The following AFF2 variants were observed in gnomAD, a reference collection of about 807,000 sequenced individuals.
AFF2 encodes ALF transcription elongation factor 2.
A neutral mutation model predicts 76.9 loss-of-function variants in AFF2; 14 were observed. The ratio of observed to expected loss-of-function variants is 0.18; its 90% CI spans 0.12 to 0.28. AFF2 has a LOEUF of 0.28. Ranked by LOEUF, AFF2 falls within the 10% of genes least tolerant of loss-of-function variation. AFF2 has a pLI of 1.00. For missense variants in AFF2, 868 were observed against 1,001.1 expected (o/e 0.87, Z 1.79); for synonymous variants, 398 against 366.7 (o/e 1.09, Z -0.98).
intron 2 of AFF2, among the ~76,000 whole-genome samples, chrX:148,658,740 G>A (rs2054277289): frequency 8.9e-6 from 1 of 112,202 alleles, no homozygotes. Flanking sequence ...TAACCTACGA[G>A]CTTTTCCTTT....
chrX:148,961,224 A>G (rs1188470922), intron 12 of AFF2, among the ~76,000 whole-genome samples: 1 of 111,848 alleles, frequency 8.9e-6, no homozygotes, highest in African/African-American at 3.3e-5. Flanking sequence ...ATGAACCACC[A>G]TTCACCTCCT....
intron 3 of AFF2, among the ~76,000 whole-genome samples, chrX:148,693,734 G>C (rs1557260991): frequency 1.8e-5 from 2 of 111,804 alleles, no homozygotes; most frequent in African/African-American, 6.5e-5. Flanking sequence ...ATCAGATCTT[G>C]TCCGCCCAAG....
chrX:148,962,504 T>C (rs1357531016), intron 12 of AFF2, among the ~76,000 whole-genome samples: 1 of 112,242 alleles, frequency 8.9e-6, no homozygotes, highest in African/African-American at 3.2e-5. Flanking sequence ...GATACATATG[T>C]ATGCATATAT....
chrX:148,703,673 T>C (rs1469512373), intron 3 of AFF2, among the ~76,000 whole-genome samples: 3 of 111,620 alleles, frequency 2.7e-5, no homozygotes, highest in South Asian at 3.7e-4. Flanking sequence ...TACAGCTCAC[T>C]GTATGGTTCA....
At chrX:148,851,716 G>A (rs901802905) in intron 7 of AFF2, among the ~76,000 whole-genome samples, 2 of 111,570 alleles carry the variant, frequency 1.8e-5, no homozygotes, top group African/African-American at 6.5e-5. Context: ...TTTCAATTTT[G>A]TAACTACATA....
chrX:148,922,874 C>A (rs1274545968), intron 9 of AFF2, among the ~76,000 whole-genome samples: 1 of 111,753 alleles, frequency 8.9e-6, no homozygotes, highest in Non-Finnish European at 1.9e-5. Flanking sequence ...ACTCCCATTC[C>A]TCTCCCTCCG....
intron 8 of AFF2, among the ~76,000 whole-genome samples, chrX:148,886,375 T>C (rs190158110): frequency 5.8e-4 from 65 of 111,496 alleles, no homozygotes; most frequent in African/African-American, 1.6e-3. Context: ...TTAATTTAGA[T>C]ATAAATGTGA....
chrX:148,562,634 CA>C (rs1230317176), intron 1 of AFF2, among the ~76,000 whole-genome samples: 3 of 112,263 alleles, frequency 2.7e-5, no homozygotes, highest in African/African-American at 9.7e-5. Flanking sequence ...TTAACTATTC[CA>C]AACAAAACCC....
At chrX:148,640,055 T>G (rs2054071828) in intron 1 of AFF2, among the ~76,000 whole-genome samples, 1 of 112,611 alleles carries the variant, frequency 8.9e-6, no homozygotes, top group Admixed American at 9.4e-5. Context: ...TCACTGTTCT[T>G]CAGAGAGCAA....
At chrX:148,791,776 G>A (rs931826693) in intron 3 of AFF2, among the ~76,000 whole-genome samples, 5 of 111,207 alleles carry the variant, frequency 4.5e-5, no homozygotes, top group Non-Finnish European at 7.5e-5. Flanking sequence ...GGCCATAGTG[G>A]TTATGAATGC....
intron 7 of AFF2, among the ~76,000 whole-genome samples, chrX:148,870,141 A>G (rs1478982274): frequency 9.0e-6 from 1 of 110,975 alleles, no homozygotes; most frequent in Non-Finnish European, 1.9e-5. Context: ...GTCCCATCCT[A>G]CGTAGAGGGA....
chrX:148,977,798 C>T, intron 16 of AFF2, 135 bp from the exon 17 acceptor site: 1 of 484,474 alleles, frequency 2.1e-6, no homozygotes, highest in Non-Finnish European at 3.6e-6. Context: ...ATGCTTTTGC[C>T]CACATGTACC....
chrX:148,869,163 G>A, intron 7 of AFF2, among the ~76,000 whole-genome samples: 1 of 111,690 alleles, frequency 9.0e-6, no homozygotes, highest in South Asian at 3.8e-4. Flanking sequence ...TCTAGAATAG[G>A]CAAATCAATA....
At chrX:148,956,966 C>T (rs2072049439) in intron 11 of AFF2, among the ~76,000 whole-genome samples, 1 of 112,755 alleles carries the variant, frequency 8.9e-6, no homozygotes, top group South Asian at 3.6e-4. Flanking sequence ...TTAGCATCTC[C>T]ACAGTCCAGT....
chrX:148,892,428 AT>A (rs1198383160), intron 8 of AFF2, among the ~76,000 whole-genome samples: 1 of 110,679 alleles, frequency 9.0e-6, no homozygotes, highest in Non-Finnish European at 1.9e-5. Flanking sequence ...TATTTGATCC[AT>A]TTTGATTTGT....
rs144616479 is a variant in AFF2 at position 148,612,206 on chromosome X, C to T, written c.48-39793C>T. 1.3e-4 allele frequency among the ~76,000 whole-genome samples: 14 copies of T among 111,716 alleles called. No homozygotes were observed. The East Asian group carries it at 3.4e-3, about 27-fold the overall frequency. Reference sequence around the variant, plus strand: ...ACACCATTTATAGTTCTGACAATAGCGACTTTTCCTAAGCCTCCGTCCATG... The same window carrying T: ...ACACCATTTATAGTTCTGACAATAGTGACTTTTCCTAAGCCTCCGTCCATG... On this transcript the variant is annotated intron_variant, in intron 1 of 20. Transcript: ENST00000370460.
intron 10 of AFF2, 116 bp downstream of exon 10, chrX:148,953,855 TAATTA>T: frequency 3.0e-6 from 2 of 660,204 alleles, no homozygotes; most frequent in Non-Finnish European, 4.4e-6. Context: ...CAATAATTAA[TAATTA>T]ATTTAGCATG....
chrX:148,678,441 A>G (rs12389916), intron 3 of AFF2, among the ~76,000 whole-genome samples: 5,293 of 112,346 alleles, frequency 0.047, 319 homozygotes, highest in African/African-American at 0.16. Context: ...GTAAGACTGT[A>G]GAGGTGATAG....
rs370579319 is a variant in AFF2 at position 148,738,187 on chromosome X, G to C, written c.1042-71689G>C. On this transcript the variant is annotated intron_variant, in intron 3 of 20. Transcript: ENST00000370460. Reference sequence around the variant, plus strand: ...CTATCTTGTGGAATAGTGTCAAAATGATTGGTACCAATTCTTCTTTAAATG... The same window carrying C: ...CTATCTTGTGGAATAGTGTCAAAATCATTGGTACCAATTCTTCTTTAAATG... Among the ~76,000 whole-genome samples, 4 of 111,331 alleles carry C rather than the reference G, an allele frequency of 3.6e-5. No homozygotes were observed. In the East Asian group the frequency reaches 1.1e-3, roughly 31 times the overall value.
Sources: allele counts gnomAD v4.1 joint callset (sites outside exome capture counted in the v4.1 genomes callset), GRCh38; gene constraint gnomAD v4.1.1; transcripts MANE v1.5; gene names NCBI Gene and HGNC (gene_info 2026-07-23, HGNC 2026-07-21).